The following TSPAN13 variants were observed in gnomAD, a reference collection of about 807,000 sequenced individuals.
TSPAN13 encodes tetraspanin 13, also known as tetraspanin-13.
In TSPAN13, 18 loss-of-function variants were observed where a neutral mutation model predicts 26.9. The observed-to-expected ratio is 0.67, with a 90% CI of 0.46 to 0.99. TSPAN13 has a LOEUF of 0.99. TSPAN13 is among the 50% of genes least tolerant of loss of function. The pLI is 0.00. For missense variants in TSPAN13, 201 were observed against 249.6 expected, an observed-to-expected ratio of 0.81 and a Z score of 1.31; for synonymous variants, 116 against 98.4, an observed-to-expected ratio of 1.18 and a Z score of -1.06.
At chr7:16,767,537 T>C (rs1016443251) in intron 1 of TSPAN13, among the ~76,000 whole-genome samples, 4 of 152,202 alleles carry the variant, frequency 2.6e-5, no homozygotes, top group African/African-American at 9.7e-5. Context: ...TCTAGTTGGG[T>C]ACATAGGTGT....
At chr7:16,772,800 A>C (rs1419051841) in intron 1 of TSPAN13, among the ~76,000 whole-genome samples, 1 of 152,112 alleles carries the variant, frequency 6.6e-6, no homozygotes, top group Admixed American at 6.5e-5. Context: ...GTTCGAGACC[A>C]GCCTGGCCAA....
intron 1 of TSPAN13, among the ~76,000 whole-genome samples, chr7:16,766,994 A>T (rs1301212312): frequency 1.3e-5 from 2 of 151,878 alleles, no homozygotes; most frequent in South Asian, 4.2e-4. Flanking sequence ...TGCAGTGGCT[A>T]TTCCCAAGTG....
At chr7:16,761,244 G>A (rs146189286) in intron 1 of TSPAN13, among the ~76,000 whole-genome samples, 1 of 152,296 alleles carries the variant, frequency 6.6e-6, no homozygotes, top group African/African-American at 2.4e-5. Flanking sequence ...AGCACTTCAG[G>A]CCTTCTGTGT....
At chr7:16,765,769 T>G (rs896320313) in intron 1 of TSPAN13, among the ~76,000 whole-genome samples, 1 of 152,226 alleles carries the variant, frequency 6.6e-6, no homozygotes, top group Non-Finnish European at 1.5e-5. Context: ...AAGGAAACTG[T>G]CATAGGTGTA....
chr7:16,757,528 T>A (rs1784493266), intron 1 of TSPAN13, among the ~76,000 whole-genome samples: 1 of 152,134 alleles, frequency 6.6e-6, no homozygotes, highest in Non-Finnish European at 1.5e-5. Context: ...TAGCTGACTT[T>A]GTTAAATAGA....
chr7:16,780,484 A>C (rs757226082), intron 5 of TSPAN13, among the ~76,000 whole-genome samples: 1 of 152,196 alleles, frequency 6.6e-6, no homozygotes, highest in Non-Finnish European at 1.5e-5. Flanking sequence ...GAAAAGAGCT[A>C]TCTGACTTGT....
At chr7:16,762,459 T>G (rs1344885680) in intron 1 of TSPAN13, among the ~76,000 whole-genome samples, 1 of 152,172 alleles carries the variant, frequency 6.6e-6, no homozygotes, top group Non-Finnish European at 1.5e-5. Context: ...CCTCGGGCGA[T>G]AATCCAGGCC....
chr7:16,776,291 G>A lies in TSPAN13; in HGVS notation c.144G>A (p.Val48=), dbSNP rs765737618. ...GLISSLRVVG[V]VIAVGIFLFL... ...TTTCCAGTCTCCGAGTGGTCGGCGT[G>A]GTCATTGCAGTGGGCATCTTCTTGT... The change falls in exon 2 of 6, where the codon GTG becomes GTA. Residue 48 remains valine, a synonymous_variant. Transcript: ENST00000262067. 2.9e-5 allele frequency: 47 copies of A among 1,613,948 alleles called. No individual in the cohort carries two copies. The highest frequency in any genetic ancestry group is 1.8e-4 in the Admixed American group (11 of 59,982).
intron 1 of TSPAN13, among the ~76,000 whole-genome samples, chr7:16,757,068 A>G (rs1427675997): frequency 6.6e-6 from 1 of 152,210 alleles, no homozygotes; most frequent in East Asian, 1.9e-4. Flanking sequence ...TGCATTGTGA[A>G]GACAGGATCT....
chr7:16,754,611 TTTG>T (rs1554273551), intron 1 of TSPAN13, among the ~76,000 whole-genome samples: 2 of 152,192 alleles, frequency 1.3e-5, no homozygotes, highest in East Asian at 1.9e-4. Flanking sequence ...TCTTTTTGTT[TTTG>T]TTGTTGTCAG....
chr7:16,776,349 G>A lies in TSPAN13; in HGVS notation c.202G>A (p.Val68Ile), dbSNP rs1784745176. 4 of 1,613,326 alleles carry A rather than the reference G, an allele frequency of 2.5e-6. No homozygotes were observed. Among genetic ancestry groups the A allele is most frequent in the South Asian group, 1.1e-5 (1 of 90,932 alleles). Residue 68 changes from valine to isoleucine, a missense_variant, in exon 2 of 6, where the codon GTA (valine) becomes ATA (isoleucine). Physicochemically the swap from Val to Ile is conservative, Grantham distance 29. Transcript: ENST00000262067. ...LIALVGLIGA[V>I]KHHQVLLFFY... ...TGCTTTAGTGGGTCTGATTGGAGCTGTAAAACATCATCAGGTGTTGCTATT... is the reference window on the plus strand; with the variant it reads ...TGCTTTAGTGGGTCTGATTGGAGCTATAAAACATCATCAGGTGTTGCTATT...
chr7:16,760,418 G>C (rs556067283), intron 1 of TSPAN13, among the ~76,000 whole-genome samples: 2 of 152,268 alleles, frequency 1.3e-5, no homozygotes, highest in Admixed American at 1.3e-4. Flanking sequence ...ATGATTTGTG[G>C]CTCAGGCTCA....
intron 1 of TSPAN13, among the ~76,000 whole-genome samples, chr7:16,757,839 A>C (rs534504875): frequency 6.6e-6 from 1 of 152,004 alleles, no homozygotes; most frequent in African/African-American, 2.4e-5. Context: ...TATTGTTTCT[A>C]TTTGTATTTT....
intron 1 of TSPAN13, among the ~76,000 whole-genome samples, chr7:16,756,082 C>T (rs1225569642): frequency 6.6e-6 from 1 of 152,132 alleles, no homozygotes; most frequent in Non-Finnish European, 1.5e-5. Flanking sequence ...GCTTAAATAA[C>T]TGCAGCAGTT....
intron 1 of TSPAN13, among the ~76,000 whole-genome samples, chr7:16,771,876 G>A (rs1298348181): frequency 6.6e-6 from 1 of 152,144 alleles, no homozygotes; most frequent in East Asian, 1.9e-4. Context: ...AACTTGGTGA[G>A]GAATGCCCTT....
chr7:16,771,708 C>T (rs1372001095), intron 1 of TSPAN13, among the ~76,000 whole-genome samples: 1 of 152,144 alleles, frequency 6.6e-6, no homozygotes, highest in Non-Finnish European at 1.5e-5. Flanking sequence ...ACACAGCCTC[C>T]AGAACTGTAA....
intron 1 of TSPAN13, among the ~76,000 whole-genome samples, chr7:16,756,928 T>C (rs1784486897): frequency 6.6e-6 from 1 of 152,230 alleles, no homozygotes; most frequent in South Asian, 2.1e-4. Flanking sequence ...TGTGCTTTTA[T>C]GAAGGCTCTT....
Position 16,777,365 on chromosome 7 carries a change from A to G in TSPAN13, c.312+243A>G, listed in dbSNP as rs113740382. 2.8e-3 allele frequency among the ~76,000 whole-genome samples: 429 copies of G among 152,308 alleles called. 4 individuals carry two copies. The highest frequency in any genetic ancestry group is 9.6e-3 in the African/African-American group (401 of 41,566). ...TGCTTTCACTGGGTTAAAAAGTGCT[A>G]TGGCTAAAAGATGTTCCCCCAATCT... is the stretch of plus-strand genomic sequence containing the variant. On this transcript the variant is annotated intron_variant, in intron 3 of 5. Coordinates refer to ENST00000262067, the MANE Select transcript of TSPAN13 (RefSeq NM_014399.4).
chr7:16,774,595 CAGTG>C (rs1784719156), intron 1 of TSPAN13, among the ~76,000 whole-genome samples: 1 of 152,104 alleles, frequency 6.6e-6, no homozygotes, highest in African/African-American at 2.4e-5. Context: ...AGAAGACTGT[CAGTG>C]AGTATGATAA....
Sources: allele counts gnomAD v4.1 joint callset (sites outside exome capture counted in the v4.1 genomes callset), GRCh38; gene constraint gnomAD v4.1.1; transcripts MANE v1.5; gene names NCBI Gene and HGNC (gene_info 2026-07-23, HGNC 2026-07-21).